ZNF33A: variants seen among roughly 807,000 people sequenced by gnomAD.
ZNF33A encodes zinc finger protein 33A.
Under a neutral mutation model 15.9 loss-of-function variants are expected in ZNF33A, and 9 were observed. The observed-to-expected ratio is 0.57, with a 90% CI of 0.34 to 0.99. The LOEUF is 0.99. ZNF33A is among the 50% of genes least tolerant of loss of function. The pLI is 0.02. For synonymous variants in ZNF33A, 294 were observed against 324.2 expected (o/e 0.91, Z 1.00); for missense variants, 843 against 941.6 (o/e 0.90, Z 1.37).
Position 38,055,241 on chromosome 10 carries a change from A to T in ZNF33A, c.1117A>T (p.Thr373Ser). The T allele has an allele frequency of 6.2e-7, 1 of 1,614,184 alleles. No individual in the cohort carries two copies. The highest frequency in any genetic ancestry group is 8.5e-7 in the Non-Finnish European group (1 of 1,180,000). Residue 373 changes from threonine to serine, a missense_variant, in exon 5 of 5, where the codon ACT becomes TCT. Thr to Ser is a moderately conservative substitution (Grantham distance 58). Coordinates refer to ENST00000432900, the MANE Select transcript of ZNF33A (RefSeq NM_006954.2). ...AGCTTTCTGGGATAAGTCAAACCTC[A>T]CTAAACATCAAAGATCACACACAGG... Reference protein sequence around the residue: ...EKAFWDKSNLTKHQRSHTGEK... With the variant: ...EKAFWDKSNLSKHQRSHTGEK...
intron 4 of ZNF33A, among the ~76,000 whole-genome samples, chr10:38,037,482 C>G: frequency 6.6e-6 from 1 of 152,052 alleles, no homozygotes. Flanking sequence ...CGCCACCATG[C>G]TTGGCTAATG....
chr10:38,055,701 A>T lies in ZNF33A; in HGVS notation c.1577A>T (p.Glu526Val), dbSNP rs1284896534. 1.2e-6 allele frequency: 2 copies of T among 1,613,868 alleles called. No individual in the cohort carries two copies. The highest frequency in any genetic ancestry group is 1.6e-4 in the Middle Eastern group (1 of 6,062). ...ATTCATACAGGGTGGAAACCTTATG[A>T]ATGTTATGAATGTGGGAAAACCTTC... ...QIIHTGWKPY[E>V]CYECGKTFCL... is the part of the protein sequence containing the mutation. Residue 526 changes from glutamate to valine, a missense_variant, in exon 5 of 5, where the codon GAA becomes GTA. Glu to Val is a moderately radical substitution (Grantham distance 121). Transcript: ENST00000432900.
intron 4 of ZNF33A, among the ~76,000 whole-genome samples, chr10:38,049,533 T>A (rs1590675091): frequency 6.6e-6 from 1 of 152,156 alleles, no homozygotes; most frequent in African/African-American, 2.4e-5. Context: ...ATATAATGTA[T>A]TATGTGTAAT....
chr10:38,049,525 A>G (rs920531651), intron 4 of ZNF33A, among the ~76,000 whole-genome samples: 4 of 152,124 alleles, frequency 2.6e-5, no homozygotes, highest in African/African-American at 4.8e-5. Flanking sequence ...TATATGGGAT[A>G]TAATGTATTA....
Position 38,031,540 on chromosome 10 carries a change from A to G in ZNF33A, c.250+14154A>G, listed in dbSNP as rs538446869. 1.4e-4 allele frequency among the ~76,000 whole-genome samples: 21 copies of G among 150,710 alleles called. No homozygotes were observed. In the South Asian group the frequency reaches 4.4e-3, roughly 32 times the overall value. ...AGCTGTGATGGCACCATTCGACTCC[A>G]GCCTGGGTGACAGAGTGAGACCTTG... On this transcript the variant is annotated intron_variant, in intron 4 of 4. Coordinates refer to ENST00000432900, the MANE Select transcript of ZNF33A (RefSeq NM_006954.2).
chr10:38,056,566 C>A lies in ZNF33A; in HGVS notation c.*6C>A. The A allele has an allele frequency of 1.3e-6, 2 of 1,551,276 alleles. No homozygotes were observed. The highest frequency in any genetic ancestry group is 1.3e-5 in the South Asian group (1 of 78,770). ...ACATCCTGAATGTTCAGTAACTATC[C>A]ACAAACTCACCTTATGTTACTCCAA... is the stretch of plus-strand genomic sequence containing the variant. On this transcript the variant is annotated 3_prime_UTR_variant, in exon 5 of 5. Transcript: ENST00000432900.
rs1322169432 is a variant in ZNF33A at position 38,057,883 on chromosome 10, A to G, written c.*1323A>G. 5.3e-5 allele frequency: 52 copies of G among 985,326 alleles called. No individual in the cohort carries two copies. Among genetic ancestry groups the G allele is most frequent in the Non-Finnish European group, 6.3e-5 (52 of 829,966 alleles). The allele number at this position is 985,326 out of a possible 1,614,324, so 61.0% of individuals were successfully genotyped here. ...CTGTTGGACTGTCATTTCAAGGCTC[A>G]TTGTCCCCAGACAGGGATCTGGGCC... On this transcript the variant is annotated 3_prime_UTR_variant, in exon 5 of 5. Coordinates refer to ENST00000432900, the MANE Select transcript of ZNF33A (RefSeq NM_006954.2).
intron 4 of ZNF33A, among the ~76,000 whole-genome samples, chr10:38,051,615 A>G (rs1377702194): frequency 6.7e-6 from 1 of 148,778 alleles, no homozygotes. Flanking sequence ...ACTATTAGTA[A>G]TTATTGTATC....
downstream of ZNF33A, among the ~76,000 whole-genome samples, chr10:38,066,782 A>G (rs936823657): frequency 6.6e-6 from 1 of 152,006 alleles, no homozygotes; most frequent in Non-Finnish European, 1.5e-5. Flanking sequence ...TAAAAATACA[A>G]AAATTAGCCA....
chr10:38,028,284 A>T lies in ZNF33A; in HGVS notation c.250+10898A>T, dbSNP rs528067659. On this transcript the variant is annotated intron_variant, in intron 4 of 4. Coordinates refer to ENST00000432900, the MANE Select transcript of ZNF33A (RefSeq NM_006954.2). ...TCCTGTCTAAAATAAATAAATAAATAAAATAAAATAAAATAAAATCCATTC... is the reference window on the plus strand; with the variant it reads ...TCCTGTCTAAAATAAATAAATAAATTAAATAAAATAAAATAAAATCCATTC... 2.7e-4 allele frequency among the ~76,000 whole-genome samples: 41 copies of T among 151,884 alleles called. 2 individuals carry two copies. Among genetic ancestry groups the T allele is most frequent in the African/African-American group, 8.7e-4 (36 of 41,444 alleles).
chr10:38,010,630 G>A (rs375938831), upstream of ZNF33A: 4 of 1,377,380 alleles, frequency 2.9e-6, no homozygotes, highest in African/African-American at 2.8e-5. Context: ...GCATCAAGCT[G>A]TGCGCGTGGG....
downstream of ZNF33A, among the ~76,000 whole-genome samples, chr10:38,063,559 G>A (rs1416137698): frequency 6.6e-6 from 1 of 152,116 alleles, no homozygotes; most frequent in African/African-American, 2.4e-5. Context: ...CATGTTCTCT[G>A]TCTACATGTT....
downstream of ZNF33A, among the ~76,000 whole-genome samples, chr10:38,063,564 C>T (rs1470599129): frequency 6.6e-6 from 1 of 152,132 alleles, no homozygotes. Flanking sequence ...TCTCTGTCTA[C>T]ATGTTTAAAG....
intron 4 of ZNF33A, among the ~76,000 whole-genome samples, chr10:38,030,835 G>T (rs1462754965): frequency 1.3e-5 from 2 of 152,198 alleles, no homozygotes; most frequent in Non-Finnish European, 2.9e-5. Flanking sequence ...AGATGGGTGG[G>T]ATTTGAAATC....
rs912815689 is a variant in ZNF33A, at chr10:38,056,930, A to G, written c.*370A>G. The G allele has an allele frequency of 1.7e-5, 16 of 947,726 alleles. No homozygotes were observed. The African/African-American group carries it at 2.6e-4, about 16-fold the overall frequency. 58.7% of individuals were successfully genotyped at this position (947,726 alleles called of 1,614,324 possible). On this transcript the variant is annotated 3_prime_UTR_variant, in exon 5 of 5. Coordinates refer to ENST00000432900, the MANE Select transcript of ZNF33A (RefSeq NM_006954.2). ...ATGTAAAGCTTTAAGAACTTAAACA[A>G]AGGTAATAATTAAAATAACCTCACA...
At chr10:38,041,857 T>C (rs535581441) in intron 4 of ZNF33A, among the ~76,000 whole-genome samples, 154 of 152,288 alleles carry the variant, frequency 1.0e-3, no homozygotes, top group South Asian at 3.9e-3. Context: ...GTTGTTGTTG[T>C]TGTTTTTTTA....
rs2066532395 is a variant in ZNF33A at position 38,057,454 on chromosome 10, G to A, written c.*894G>A. 1.0e-6 allele frequency: 1 copy of A among 985,286 alleles called. No individual in the cohort carries two copies. Among genetic ancestry groups the A allele is most frequent in the African/African-American group, 1.7e-5 (1 of 57,216 alleles). 61.0% of individuals were successfully genotyped at this position (985,286 alleles called of 1,614,324 possible). On this transcript the variant is annotated 3_prime_UTR_variant, in exon 5 of 5. Transcript: ENST00000432900. The stretch of plus-strand genomic sequence containing the variant: ...ATAAGTGGTATGTGATATAAATCGT[G>A]TGTTTCATATGCATAATGGAATTTA...
chr10:38,037,826 T>C (rs374608669), intron 4 of ZNF33A, among the ~76,000 whole-genome samples: 4 of 152,334 alleles, frequency 2.6e-5, no homozygotes, highest in African/African-American at 9.6e-5. Context: ...TTTCTACTTC[T>C]TTTTTAAGAT....
chr10:38,015,654 T>A lies in ZNF33A; in HGVS notation c.10-1217T>A, dbSNP rs563976789. ...AAATTTAATATAATTAGGATGTTTC[T>A]TACTAGAATACTGTGTCCAACCTAT... On this transcript the variant is annotated intron_variant, in intron 2 of 4. Transcript: ENST00000432900. Among the ~76,000 whole-genome samples, 10 of 152,270 alleles carry A rather than the reference T, an allele frequency of 6.6e-5. No individual in the cohort carries two copies. The South Asian group carries it at 1.7e-3, about 25-fold the overall frequency.
Sources: allele counts gnomAD v4.1 joint callset (sites outside exome capture counted in the v4.1 genomes callset), GRCh38; gene constraint gnomAD v4.1.1; transcripts MANE v1.5; gene names NCBI Gene and HGNC (gene_info 2026-07-23, HGNC 2026-07-21).